DCAF11: variants seen among roughly 807,000 people sequenced by gnomAD.
DCAF11 encodes DDB1- and CUL4-associated factor 11.
A neutral mutation model predicts 76.1 loss-of-function variants in DCAF11; 44 were observed. The ratio of observed to expected loss-of-function variants is 0.58; its 90% confidence interval spans 0.45 to 0.74. The LOEUF is 0.74. DCAF11 is among the 30% of genes least tolerant of loss of function. DCAF11 has a pLI of 0.00. For missense variants in DCAF11, 604 were observed against 709.4 expected, an observed-to-expected ratio of 0.85 and a Z score of 1.69; for synonymous variants, 258 against 255.0, an observed-to-expected ratio of 1.01 and a Z score of -0.11.
intron 2 of DCAF11, among the ~76,000 whole-genome samples, chr14:24,116,637 C>A (rs1168625299): frequency 6.6e-6 from 1 of 152,184 alleles, no homozygotes; most frequent in African/African-American, 2.4e-5. Flanking sequence ...GCGTATTGGT[C>A]TTGCTCTTGT....
intron 8 of DCAF11, 51 bp downstream of exon 8, chr14:24,118,855 C>T (rs767367889): frequency 2.5e-6 from 4 of 1,594,134 alleles, no homozygotes; most frequent in South Asian, 1.1e-5. Context: ...TCAAGGGAAG[C>T]TCTTTGGGAG....
Position 24,121,525 on chromosome 14 carries a change from T to C in DCAF11, c.1399+8T>C, listed in dbSNP as rs1363141377. ...CCACTGGCAAAGTGGTTGGTAAGGA[T>C]TGTGTCAGAACAGGGGGCCTCAGGA... On this transcript the variant is annotated splice_region_variant and intron_variant, in intron 13 of 14. Coordinates refer to ENST00000446197, the MANE Select transcript of DCAF11 (RefSeq NM_025230.5). 5 of 1,614,008 alleles carry C rather than the reference T, an allele frequency of 3.1e-6. No homozygotes were observed. Among genetic ancestry groups the C allele is most frequent in the Non-Finnish European group, 4.2e-6 (5 of 1,179,934 alleles).
At chr14:24,121,295 A>C (rs1002324166) in intron 12 of DCAF11, 70 bp from the exon 13 acceptor site, 11 of 1,589,812 alleles carry the variant, frequency 6.9e-6, no homozygotes, top group African/African-American at 1.3e-5. Flanking sequence ...AACCTTGCTC[A>C]GGACTGGTGG....
Position 24,123,881 on chromosome 14 carries a change from G to T in DCAF11, c.*572G>T, listed in dbSNP as rs2037736229. ...TATGAGAGGCAGGAGTCTCCACAAG[G>T]CTTCATGTGGCCCCTTATAGGGCAG... On this transcript the variant is annotated 3_prime_UTR_variant, in exon 15 of 15. Transcript: ENST00000446197. 6.6e-6 allele frequency: 1 copy of T among 152,440 alleles called. No individual in the cohort carries two copies. Among genetic ancestry groups the T allele is most frequent in the East Asian group, 1.9e-4 (1 of 5,196 alleles). The allele number at this position is 152,440 out of a possible 1,614,324, so 9.4% of individuals were successfully genotyped here.
Position 24,119,512 on chromosome 14 carries a change from C to A in DCAF11, c.849-47C>A. The A allele has an allele frequency of 1.9e-6, 3 of 1,610,304 alleles. No individual in the cohort carries two copies. The South Asian group carries it at 3.3e-5, about 18-fold the overall frequency. ...TCTCTAGAGCATATACCACGTTGGT[C>A]CTCTCGATCATGGCTCCAGGACCCT... is the stretch of plus-strand genomic sequence containing the variant. On this transcript the variant is annotated intron_variant, in intron 9 of 14. Transcript: ENST00000446197.
chr14:24,121,641 G>A, intron 13 of DCAF11, 124 bp downstream of exon 13: 2 of 1,063,318 alleles, frequency 1.9e-6, no homozygotes, highest in East Asian at 5.2e-5. Context: ...ATCAAACTTA[G>A]CTTGGAGGCT....
At chr14:24,120,367 T>C (rs1180705789) in intron 11 of DCAF11, among the ~76,000 whole-genome samples, 1 of 151,922 alleles carries the variant, frequency 6.6e-6, no homozygotes, top group Non-Finnish European at 1.5e-5. Context: ...CCATCCTGGC[T>C]AACATGGTGA....
chr14:24,119,589 C>T lies in DCAF11; in HGVS notation c.879C>T (p.Asp293=), dbSNP rs1302847168. Residue 293 remains aspartate (D), a synonymous_variant, in exon 10 of 15, where the codon GAC becomes GAT. Transcript: ENST00000446197. The part of the protein sequence containing the change: ...GANDGCLYVF[D]REQNRRTLQI... ...ATGATGGCTGCCTGTATGTCTTTGACCGAGAACAGAACCGGCGCACCCTTC... is the reference window on the plus strand; with the variant it reads ...ATGATGGCTGCCTGTATGTCTTTGATCGAGAACAGAACCGGCGCACCCTTC... 4 of 1,614,120 alleles carry T rather than the reference C, an allele frequency of 2.5e-6. No individual in the cohort carries two copies. The African/African-American group carries it at 4.0e-5, about 16-fold the overall frequency.
At chr14:24,118,228 C>T (rs894739945) in intron 6 of DCAF11, 73 bp downstream of exon 6, 52 of 1,566,634 alleles carry the variant, frequency 3.3e-5, no homozygotes, top group East Asian at 1.3e-4. Flanking sequence ...GGCTAGAAAG[C>T]CACAGACGGG....
In DCAF11 at chr14:24,115,486, C is replaced by G; in HGVS notation, c.-109C>G. ...TCACCCTCCTAGAGATAGCTACTAC[C>G]CCGTCTCAGGAGACCCTGGTATTTC... On this transcript the variant is annotated 5_prime_UTR_variant, in exon 2 of 15. Coordinates refer to ENST00000446197, the MANE Select transcript of DCAF11 (RefSeq NM_025230.5). 6.8e-6 allele frequency: 10 copies of G among 1,469,902 alleles called. No homozygotes were observed. The highest frequency in any genetic ancestry group is 2.8e-5 in the South Asian group (2 of 71,482). 91.1% of individuals were successfully genotyped at this position (1,469,902 alleles called of 1,614,324 possible). A position where few individuals can be genotyped will look rare whatever the true frequency, so the allele number is the denominator to read the frequency against.
In DCAF11 at chr14:24,120,824, C is replaced by A; in HGVS notation, c.1093-14C>A. On this transcript the variant is annotated splice_polypyrimidine_tract_variant and intron_variant, in intron 11 of 14. Transcript: ENST00000446197. ...CAAGCTCTGATGCTTCACTATCCAC[C>A]TTTGGATTCATAGGGTGATGCCCGG... is the stretch of plus-strand genomic sequence containing the variant. The A allele has an allele frequency of 6.2e-7, 1 of 1,613,960 alleles. No individual in the cohort carries two copies. The highest frequency in any genetic ancestry group is 8.5e-7 in the Non-Finnish European group (1 of 1,179,868).
At chr14:24,115,779 A>C in intron 2 of DCAF11, 30 bp downstream of exon 2, 2 of 1,603,154 alleles carry the variant, frequency 1.2e-6, no homozygotes, top group South Asian at 1.1e-5. Flanking sequence ...GACCCCCAGC[A>C]GGTGCTACCA....
rs754740771 is a variant in DCAF11 at position 24,115,759 on chromosome 14, C to G, written c.155+10C>G. On this transcript the variant is annotated intron_variant, in intron 2 of 14. Transcript: ENST00000446197. ...CCTATCTCCTCCGCAGGTAACTTAC[C>G]CTCTGGTGTGACCCCCAGCAGGTGC... 18 of 1,609,122 alleles carry G rather than the reference C, an allele frequency of 1.1e-5. No individual in the cohort carries two copies. The highest frequency in any genetic ancestry group is 1.4e-5 in the Non-Finnish European group (17 of 1,177,482).
rs752609223 is a variant in DCAF11 at position 24,116,042 on chromosome 14, G to GA, written c.155+303dup. On this transcript the variant is annotated intron_variant, in intron 2 of 14. Transcript: ENST00000446197. ...TATAGTCTATTTTCCAAGTAAGCTT[G>GA]AAAAAAAAAAGGGGGGGGTCCTAGT... 4.3e-4 allele frequency among the ~76,000 whole-genome samples: 63 copies of GA among 145,094 alleles called. 1 individual carries two copies. In the Middle Eastern group the frequency reaches 0.01, roughly 24 times the overall value.
At position 24,117,301 on chromosome 14, in the gene DCAF11, A is replaced by G; in HGVS notation, c.319A>G (p.Asn107Asp). The G allele has an allele frequency of 6.2e-7, 1 of 1,614,206 alleles. No individual in the cohort carries two copies. The highest frequency in any genetic ancestry group is 1.1e-5 in the South Asian group (1 of 91,086). The change falls in exon 4 of 15, where the codon AAT becomes GAT. Residue 107 changes from asparagine to aspartate, a missense_variant. Physicochemically the swap from Asn to Asp is conservative, Grantham distance 23. Coordinates refer to ENST00000446197, the MANE Select transcript of DCAF11 (RefSeq NM_025230.5). This position sits in a 1 kb window ranked among gnomAD's most constrained non-coding sequence, Gnocchi z 4.3. ...CCCTGACACCCGGGAGCTGGAATTC[A>G]ATGAGATCAAGACACAAGTGGAACT... ...ATPDTRELEFNEIKTQVELAT... is the reference protein window; with the variant it reads ...ATPDTRELEFDEIKTQVELAT...
At position 24,117,517 on chromosome 14, in the gene DCAF11, T is replaced by C; in HGVS notation, c.411+124T>C. 6.6e-7 allele frequency: 1 copy of C among 1,526,356 alleles called. No homozygotes were observed. Among genetic ancestry groups the C allele is most frequent in the Non-Finnish European group, 8.9e-7 (1 of 1,123,496 alleles). The allele number at this position is 1,526,356 out of a possible 1,614,324, so 94.6% of individuals were successfully genotyped here. On this transcript the variant is annotated intron_variant, in intron 4 of 14. Transcript: ENST00000446197. This position sits in a 1 kb window ranked among gnomAD's most constrained non-coding sequence, Gnocchi z 4.3. ...AGCCTCAAGCGCTGGGGCTGGAGAGTTAACCAGCCTCCATCGGAGTTCTGT... is the reference window on the plus strand; with the variant it reads ...AGCCTCAAGCGCTGGGGCTGGAGAGCTAACCAGCCTCCATCGGAGTTCTGT...
intron 11 of DCAF11, among the ~76,000 whole-genome samples, chr14:24,120,110 A>G (rs961206022): frequency 4.6e-5 from 7 of 152,196 alleles, no homozygotes; most frequent in Non-Finnish European, 7.3e-5. Flanking sequence ...CGTACAAGAA[A>G]AATGGAAGAC....
rs1368156393 is a variant in DCAF11, at chr14:24,116,428, C to G, written c.156-489C>G. Among the ~76,000 whole-genome samples, 3 of 152,184 alleles carry G rather than the reference C, an allele frequency of 2.0e-5. No individual in the cohort carries two copies. The East Asian group carries it at 5.8e-4, about 29-fold the overall frequency. On this transcript the variant is annotated intron_variant, in intron 2 of 14. Transcript: ENST00000446197. ...AGAACGGGCTATTCACAGGTGTGAT[C>G]AAGTGCACACCACAGCCTGCAACTC... is the stretch of plus-strand genomic sequence containing the variant.
Position 24,115,514 on chromosome 14 carries a change from G to A in DCAF11, c.-81G>A, listed in dbSNP as rs2037530130. ...GTCTCAGGAGACCCTGGTATTTCTAGAGCACGCTTTGCTTTCACCAAACCC... is the reference window on the plus strand; with the variant it reads ...GTCTCAGGAGACCCTGGTATTTCTAAAGCACGCTTTGCTTTCACCAAACCC... On this transcript the variant is annotated 5_prime_UTR_variant, in exon 2 of 15. Coordinates refer to ENST00000446197, the MANE Select transcript of DCAF11 (RefSeq NM_025230.5). 6.6e-7 allele frequency: 1 copy of A among 1,518,918 alleles called. No homozygotes were observed. The highest frequency in any genetic ancestry group is 8.8e-7 in the Non-Finnish European group (1 of 1,134,930). The allele number at this position is 1,518,918 out of a possible 1,614,324, so 94.1% of individuals were successfully genotyped here.
Sources: allele counts gnomAD v4.1 joint callset (sites outside exome capture counted in the v4.1 genomes callset), GRCh38; gene constraint gnomAD v4.1.1; non-coding constraint Gnocchi (gnomAD v3.1); transcripts MANE v1.5; gene names NCBI Gene and HGNC (gene_info 2026-07-23, HGNC 2026-07-21).